DIAPH3: variants seen among roughly 807,000 people sequenced by gnomAD.
The protein encoded by DIAPH3 is protein diaphanous homolog 3.
DIAPH3 carries 117 observed loss-of-function variants against 144.3 expected under a neutral mutation model. The ratio of observed to expected loss-of-function variants is 0.81; its 90% CI spans 0.70 to 0.95. The LOEUF (loss-of-function observed/expected upper bound fraction) is 0.95, where lower values mean the gene tolerates loss of function less well. Ranked by LOEUF, DIAPH3 falls within the 40% of genes least tolerant of loss-of-function variation. The pLI is 0.00. For synonymous variants in DIAPH3, 519 were observed against 488.9 expected, an observed-to-expected ratio of 1.06 and a Z score of -0.81; for missense variants, 1,421 against 1,412.7, an observed-to-expected ratio of 1.01 and a Z score of -0.09.
At chr13:59,954,181 TTC>T (rs2049254218) in intron 17 of DIAPH3, among the ~76,000 whole-genome samples, 1 of 152,202 alleles carries the variant, frequency 6.6e-6, no homozygotes, top group African/African-American at 2.4e-5. Flanking sequence ...ATTCTTGATT[TTC>T]AACTCCTTTC....
chr13:59,702,686 C>T (rs1050297844), intron 27 of DIAPH3, among the ~76,000 whole-genome samples: 1 of 152,118 alleles, frequency 6.6e-6, no homozygotes, highest in African/African-American at 2.4e-5. Context: ...AGTGAGTACA[C>T]AAAACATGAA....
intron 1 of DIAPH3, among the ~76,000 whole-genome samples, chr13:60,150,467 A>C (rs1410036205): frequency 6.6e-6 from 1 of 152,358 alleles, no homozygotes; most frequent in East Asian, 1.9e-4. Flanking sequence ...AGGACCCATC[A>C]TGCCCTATTC....
At chr13:60,042,628 T>C in intron 5 of DIAPH3, 62 bp downstream of exon 5, 1 of 1,602,880 alleles carries the variant, frequency 6.2e-7, no homozygotes, top group South Asian at 1.1e-5. Flanking sequence ...TGAAAAAAAG[T>C]ATTAAACTAA....
At chr13:60,042,543 T>G in intron 5 of DIAPH3, 147 bp downstream of exon 5, 1 of 971,074 alleles carries the variant, frequency 1.0e-6, no homozygotes, top group Non-Finnish European at 1.5e-6. Context: ...CTATTGAGAC[T>G]ATATTTCTTC....
intron 17 of DIAPH3, among the ~76,000 whole-genome samples, chr13:59,929,682 C>T (rs552264607): frequency 6.6e-6 from 1 of 150,652 alleles, no homozygotes; most frequent in African/African-American, 2.4e-5. Context: ...CCTGCCTCGG[C>T]CTCCTGAGTA....
chr13:59,840,689 A>G (rs796292788), intron 22 of DIAPH3, among the ~76,000 whole-genome samples: 10 of 152,112 alleles, frequency 6.6e-5, no homozygotes, highest in Admixed American at 3.9e-4. Flanking sequence ...AAGGAGTCCA[A>G]TGATTGAACT....
intron 22 of DIAPH3, among the ~76,000 whole-genome samples, chr13:59,840,538 T>C (rs910003340): frequency 6.6e-6 from 1 of 152,106 alleles, no homozygotes; most frequent in Non-Finnish European, 1.5e-5. Flanking sequence ...TGTAAGAATA[T>C]GAAATGGTGT....
At chr13:60,102,200 C>T (rs1221521710) in intron 3 of DIAPH3, among the ~76,000 whole-genome samples, 2 of 151,648 alleles carry the variant, frequency 1.3e-5, no homozygotes. Flanking sequence ...CAAGAAAGGG[C>T]ATTACACATC....
intron 5 of DIAPH3, among the ~76,000 whole-genome samples, chr13:60,021,547 C>A (rs150872056): frequency 6.6e-6 from 1 of 151,940 alleles, no homozygotes; most frequent in East Asian, 1.9e-4. Flanking sequence ...TCCCTTGAAC[C>A]CAGGAGGCAG....
At chr13:60,149,560 G>A (rs1402527868) in intron 1 of DIAPH3, among the ~76,000 whole-genome samples, 1 of 151,978 alleles carries the variant, frequency 6.6e-6, no homozygotes, top group Non-Finnish European at 1.5e-5. Flanking sequence ...AGACAAGCCA[G>A]GGCAACACGA....
intron 3 of DIAPH3, among the ~76,000 whole-genome samples, chr13:60,099,253 C>T (rs960796993): frequency 3.3e-5 from 5 of 152,156 alleles, no homozygotes; most frequent in African/African-American, 1.2e-4. Flanking sequence ...TACACCTAAC[C>T]TACTGCATGT....
At chr13:60,056,396 T>C (rs1829925217) in intron 4 of DIAPH3, among the ~76,000 whole-genome samples, 1 of 151,782 alleles carries the variant, frequency 6.6e-6, no homozygotes, top group African/African-American at 2.4e-5. Flanking sequence ...ATATGTGTTT[T>C]CTATACATGG....
chr13:60,056,094 T>C (rs2056548157), intron 4 of DIAPH3, among the ~76,000 whole-genome samples: 1 of 151,508 alleles, frequency 6.6e-6, no homozygotes, highest in African/African-American at 2.4e-5. Context: ...GTCAGAGAAA[T>C]AAGAGTATGA....
intron 3 of DIAPH3, among the ~76,000 whole-genome samples, chr13:60,094,513 G>A (rs2058048418): frequency 6.6e-6 from 1 of 152,172 alleles, no homozygotes; most frequent in Non-Finnish European, 1.5e-5. Flanking sequence ...AGGTAAGACA[G>A]AAATGGCTAA....
At position 59,970,921 on chromosome 13, in the gene DIAPH3, C is replaced by T. The variant is rs1566590616; in HGVS notation, c.1890G>A (p.Leu630=). 6.2e-7 allele frequency: 1 copy of T among 1,613,798 alleles called. No individual in the cohort carries two copies. The highest frequency in any genetic ancestry group is 8.5e-7 in the Non-Finnish European group (1 of 1,179,964). Residue 630 remains leucine, a synonymous_variant, in exon 16 of 28, where the codon CTG becomes CTA. Transcript: ENST00000400324. ...GGQNSPPLPI[L]PFGLKPKKEF... Reference sequence around the variant, plus strand: ...CTTTCTTTGGTTTCAACCCAAATGGCAGGATTGGTAGAGGAGGAGAATTTT... The same window carrying T: ...CTTTCTTTGGTTTCAACCCAAATGGTAGGATTGGTAGAGGAGGAGAATTTT...
intron 24 of DIAPH3, among the ~76,000 whole-genome samples, chr13:59,828,903 AT>A (rs2041615856): frequency 1.3e-5 from 2 of 152,038 alleles, no homozygotes; most frequent in Admixed American, 1.3e-4. Flanking sequence ...CCAGTTGAGA[AT>A]TCTCAAGTAG....
At chr13:59,757,002 G>C (rs565427604) in intron 27 of DIAPH3, among the ~76,000 whole-genome samples, 1 of 152,282 alleles carries the variant, frequency 6.6e-6, no homozygotes, top group South Asian at 2.1e-4. Flanking sequence ...GAAATACTGA[G>C]AAGGTTCTCC....
At chr13:59,808,945 T>C (rs1266034667) in intron 25 of DIAPH3, among the ~76,000 whole-genome samples, 5 of 152,194 alleles carry the variant, frequency 3.3e-5, no homozygotes, top group Admixed American at 1.3e-4. Flanking sequence ...TTTTCGATAA[T>C]GTAAATAAAT....
At chr13:59,708,835 TAATA>T (rs1034759344) in intron 27 of DIAPH3, among the ~76,000 whole-genome samples, 1 of 152,072 alleles carries the variant, frequency 6.6e-6, no homozygotes, top group Non-Finnish European at 1.5e-5. Flanking sequence ...TTTATAATAA[TAATA>T]AATATATTTT....
Sources: gnomAD v4.1 joint callset for allele counts (sites outside exome capture counted in the v4.1 genomes callset) on GRCh38, gnomAD v4.1.1 for gene constraint, MANE v1.5 for transcripts, NCBI Gene and HGNC (gene_info 2026-07-23, HGNC 2026-07-21) for gene names.